AQR: variants seen among roughly 807,000 people sequenced by gnomAD.
The protein encoded by AQR is RNA helicase aquarius.
In AQR, 61 loss-of-function variants were observed where a neutral mutation model predicts 180.5. That is an observed-to-expected ratio of 0.34 (90% confidence interval 0.28 to 0.42). The LOEUF (loss-of-function observed/expected upper bound fraction) is 0.42. Among genes scored for constraint, AQR ranks in the 10% least tolerant of loss-of-function variants. AQR has a pLI of 1.00. For synonymous variants in AQR, 551 were observed against 588.8 expected, an observed-to-expected ratio of 0.94 and a Z score of 0.93; for missense variants, 1,281 against 1,798.3, an observed-to-expected ratio of 0.71 and a Z score of 5.20.
At position 34,917,117 on chromosome 15, in the gene AQR, A is replaced by G. The variant is rs374929176; in HGVS notation, c.1342+1141T>C. On this transcript the variant is annotated intron_variant, in intron 15 of 34. Coordinates refer to ENST00000156471, the MANE Select transcript of AQR (RefSeq NM_014691.3). The stretch of plus-strand genomic sequence containing the variant: ...TTATAGTTTTATCATCCAGGTGTGC[A>G]TCCCTAGACATGAGAAAGCAACATA... Among the ~76,000 whole-genome samples, 11 of 152,330 alleles carry G rather than the reference A, an allele frequency of 7.2e-5. No individual in the cohort carries two copies. The East Asian group carries it at 2.1e-3, about 29-fold the overall frequency.
chr15:34,949,398 CAA>C (rs1398994471), intron 4 of AQR, among the ~76,000 whole-genome samples: 1 of 151,610 alleles, frequency 6.6e-6, no homozygotes, highest in Non-Finnish European at 1.5e-5. Context: ...ATCATGAGGT[CAA>C]GAGATCGAGA....
chr15:34,882,484 AC>A lies in AQR; in HGVS notation c.3165+17del. On this transcript the variant is annotated intron_variant, in intron 27 of 34. Transcript: ENST00000156471. ...TAATCTTAAAAAAAAAAAAAAAAAAACTACCATAAGTCTTTACCTTGAAACC... is the reference window on the plus strand; with the variant it reads ...TAATCTTAAAAAAAAAAAAAAAAAAATACCATAAGTCTTTACCTTGAAACC... The A allele has an allele frequency of 3.4e-6, 5 of 1,475,236 alleles. No homozygotes were observed. The highest frequency in any genetic ancestry group is 2.4e-5 in the East Asian group (1 of 41,536). The allele number at this position is 1,475,236 out of a possible 1,614,324, so 91.4% of individuals were successfully genotyped here.
chr15:34,893,118 C>G (rs1893175951), intron 23 of AQR, among the ~76,000 whole-genome samples: 1 of 152,168 alleles, frequency 6.6e-6, no homozygotes, highest in Non-Finnish European at 1.5e-5. Context: ...CAAGGAAGAA[C>G]CAGCACTCAG....
At chr15:34,912,042 C>T (rs1287769920) in intron 16 of AQR, among the ~76,000 whole-genome samples, 1 of 151,984 alleles carries the variant, frequency 6.6e-6, no homozygotes, top group Non-Finnish European at 1.5e-5. Context: ...TTTCATTTCC[C>T]CATTGTATAC....
chr15:34,869,890 T>G (rs1029103265), intron 31 of AQR: 4 of 152,222 alleles, frequency 2.6e-5, no homozygotes, highest in Admixed American at 2.0e-4. Flanking sequence ...AATTTCATCT[T>G]TTCCAGGCCA....
intron 11 of AQR, among the ~76,000 whole-genome samples, 198 bp from the exon 12 acceptor site, chr15:34,930,569 A>C (rs1893836036): frequency 3.3e-5 from 5 of 152,256 alleles, no homozygotes; most frequent in Admixed American, 3.3e-4. Context: ...TATGTGAATA[A>C]ATTGTTAAAT....
chr15:34,868,969 T>C (rs529968700), intron 31 of AQR: 1 of 152,312 alleles, frequency 6.6e-6, no homozygotes, highest in South Asian at 2.1e-4. Context: ...CATGTACAAA[T>C]ATTTTTGTGG....
chr15:34,926,982 A>G, intron 13 of AQR, 53 bp downstream of exon 13: 1 of 1,132,246 alleles, frequency 8.8e-7, no homozygotes, highest in South Asian at 1.7e-5. Context: ...GAAAAGTAAA[A>G]TTGAGGGAGC....
chr15:34,904,541 G>GT (rs1207711447), intron 18 of AQR, 36 bp from the exon 19 acceptor site: 2 of 1,548,046 alleles, frequency 1.3e-6, no homozygotes, highest in Non-Finnish European at 1.8e-6. Flanking sequence ...AATAAAATAT[G>GT]TATTTTTCAA....
At chr15:34,954,050 G>A (rs941330207) in intron 3 of AQR, among the ~76,000 whole-genome samples, 16 of 152,260 alleles carry the variant, frequency 1.1e-4, no homozygotes, top group African/African-American at 3.8e-4. Context: ...GAGTAGCTGG[G>A]ATTACAGTCA....
intron 1 of AQR, among the ~76,000 whole-genome samples, chr15:34,967,000 C>T (rs1426668943): frequency 6.6e-6 from 1 of 151,180 alleles, no homozygotes; most frequent in African/African-American, 2.4e-5. Flanking sequence ...CCTCAGCCTC[C>T]TGAGTAGCTG....
At position 34,907,947 on chromosome 15, in the gene AQR, A is replaced by G. The variant is rs552510246; in HGVS notation, c.1664-1235T>C. On this transcript the variant is annotated intron_variant, in intron 17 of 34. Transcript: ENST00000156471. Reference sequence around the variant, plus strand: ...TTAGATCCACATTTTTTAAAATCCTATATGTCTCTCTCCTTGCAACCATTT... The same window carrying G: ...TTAGATCCACATTTTTTAAAATCCTGTATGTCTCTCTCCTTGCAACCATTT... Among the ~76,000 whole-genome samples the G allele has an allele frequency of 7.2e-4, 110 of 152,202 alleles. 1 individual carries two copies. The highest frequency in any genetic ancestry group is 2.5e-3 in the African/African-American group (103 of 41,518).
intron 23 of AQR, 24 bp from the exon 24 acceptor site, chr15:34,890,348 G>A: frequency 6.3e-7 from 1 of 1,590,544 alleles, no homozygotes; most frequent in Non-Finnish European, 8.6e-7. Flanking sequence ...CAAGAAGGGT[G>A]ACGGCACCTT....
chr15:34,882,698 C>A, intron 26 of AQR, 59 bp from the exon 27 acceptor site: 2 of 1,418,606 alleles, frequency 1.4e-6, no homozygotes, highest in South Asian at 1.7e-5. Flanking sequence ...TGCACATAAC[C>A]ATACAATCCA....
At position 34,900,643 on chromosome 15, in the gene AQR, G is replaced by C; in HGVS notation, c.2222C>G (p.Ala741Gly). ...HNVKVTVEDP[A>G]LQIPPFRITF... Reference sequence around the variant, plus strand: ...TTACCTGAAAGGGGGTATTTGTAGAGCAGGGTCTTCTACAGTTACTTTAAC... The same window carrying C: ...TTACCTGAAAGGGGGTATTTGTAGACCAGGGTCTTCTACAGTTACTTTAAC... Residue 741 changes from alanine to glycine, a missense_variant, in exon 20 of 35, where the codon GCT (alanine) becomes GGT (glycine). Ala to Gly is a moderately conservative substitution (Grantham distance 60, BLOSUM62 0). Transcript: ENST00000156471. The C allele has an allele frequency of 6.2e-7, 1 of 1,614,074 alleles. No individual in the cohort carries two copies. Among genetic ancestry groups the C allele is most frequent in the Non-Finnish European group, 8.5e-7 (1 of 1,179,936 alleles).
intron 34 of AQR, among the ~76,000 whole-genome samples, chr15:34,857,903 C>G (rs1198222243): frequency 6.6e-6 from 1 of 152,202 alleles, no homozygotes; most frequent in Non-Finnish European, 1.5e-5. Flanking sequence ...TTAGCTTGCC[C>G]TTTGCCCCAT....
chr15:34,946,905 T>C lies in AQR; in HGVS notation c.330+1359A>G, dbSNP rs1221920741. ...GGAGGTGGGGGGGGTCAGCCCCCCG[T>C]CCGGCCAGCCGCCCCATCCGGGAGG... On this transcript the variant is annotated intron_variant, in intron 5 of 34. Coordinates refer to ENST00000156471, the MANE Select transcript of AQR (RefSeq NM_014691.3). Among the ~76,000 whole-genome samples the C allele has an allele frequency of 1.7e-3, 190 of 108,888 alleles. No homozygotes were observed. The Middle Eastern group carries it at 0.022, about 13-fold the overall frequency. 71.4% of individuals were successfully genotyped at this position (108,888 alleles called of 152,430 possible).
intron 15 of AQR, 81 bp downstream of exon 15, chr15:34,918,177 C>G: frequency 6.9e-7 from 1 of 1,457,798 alleles, no homozygotes; most frequent in African/African-American, 1.4e-5. Context: ...GACTCAAGTA[C>G]ACTGCCTATA....
intron 1 of AQR, among the ~76,000 whole-genome samples, chr15:34,967,708 A>C (rs1419822605): frequency 6.6e-6 from 1 of 152,244 alleles, no homozygotes; most frequent in Non-Finnish European, 1.5e-5. Flanking sequence ...AGAAAGGAAG[A>C]GGAAAAAGAG....
Sources: allele counts gnomAD v4.1 joint callset (sites outside exome capture counted in the v4.1 genomes callset), GRCh38; gene constraint gnomAD v4.1.1; transcripts MANE v1.5; gene names NCBI Gene and HGNC (gene_info 2026-07-23, HGNC 2026-07-21).